The following BMPR1B variants were observed in gnomAD, a reference collection of about 807,000 sequenced individuals.
BMPR1B encodes bone morphogenetic protein receptor type-1B.
Under a neutral mutation model 59.1 loss-of-function variants are expected in BMPR1B, and 12 were observed. The observed-to-expected ratio is 0.20, with a 90% confidence interval of 0.13 to 0.33. The LOEUF (loss-of-function observed/expected upper bound fraction) is 0.33. Ranked by LOEUF, BMPR1B falls within the 10% of genes least tolerant of loss-of-function variation. BMPR1B has a pLI of 1.00. For missense variants in BMPR1B, 550 were observed against 610.9 expected (o/e 0.90, Z 1.05); for synonymous variants, 237 against 207.3 (o/e 1.14, Z -1.23).
intron 1 of BMPR1B, among the ~76,000 whole-genome samples, chr4:94,872,970 G>A (rs1447434152): frequency 6.6e-6 from 1 of 152,112 alleles, no homozygotes; most frequent in East Asian, 1.9e-4. Context: ...TGTCTTTATG[G>A]GAAACCCAAC....
At chr4:95,108,432 T>C (rs1189171149) in intron 4 of BMPR1B, among the ~76,000 whole-genome samples, 4 of 152,106 alleles carry the variant, frequency 2.6e-5, no homozygotes, top group Non-Finnish European at 5.9e-5. Context: ...TTCATGTTCA[T>C]TATCACTTCC....
chr4:94,963,666 G>T (rs7673943), intron 2 of BMPR1B, among the ~76,000 whole-genome samples: 79,393 of 151,860 alleles, frequency 0.52, 21,331 homozygotes, highest in African/African-American at 0.61. Flanking sequence ...TGTGGAACTA[G>T]TTATGGGTTC....
At chr4:95,040,665 C>T (rs535755425) in intron 3 of BMPR1B, among the ~76,000 whole-genome samples, 49 of 152,298 alleles carry the variant, frequency 3.2e-4, no homozygotes, top group African/African-American at 1.2e-3. Flanking sequence ...TAGTGTATAA[C>T]TTTAACTTGT....
intron 2 of BMPR1B, among the ~76,000 whole-genome samples, chr4:94,937,823 A>G (rs1729376896): frequency 6.6e-6 from 1 of 152,112 alleles, no homozygotes. Flanking sequence ...AAACTAGGTA[A>G]GAGCTTAGTT....
chr4:95,016,391 A>C (rs930462386), intron 3 of BMPR1B, among the ~76,000 whole-genome samples: 2 of 152,218 alleles, frequency 1.3e-5, no homozygotes, highest in African/African-American at 4.8e-5. Context: ...TGAGAGATTC[A>C]TTCAAAGTAG....
intron 6 of BMPR1B, among the ~76,000 whole-genome samples, chr4:95,118,269 AG>A (rs1560667482): frequency 6.6e-6 from 1 of 151,166 alleles, no homozygotes; most frequent in Non-Finnish European, 1.5e-5. Context: ...TGCAGATTGT[AG>A]TCTGAGAGCA....
intron 3 of BMPR1B, among the ~76,000 whole-genome samples, chr4:95,063,480 C>T (rs976904137): frequency 2.6e-5 from 4 of 152,082 alleles, no homozygotes; most frequent in East Asian, 3.9e-4. Context: ...AGAAACAGTT[C>T]GGAGAAGATA....
chr4:95,015,371 G>T (rs546133899), intron 3 of BMPR1B, among the ~76,000 whole-genome samples: 1 of 152,256 alleles, frequency 6.6e-6, no homozygotes, highest in East Asian at 1.9e-4. Context: ...TACTCAAGGA[G>T]TTGTTGCAGA....
intron 1 of BMPR1B, among the ~76,000 whole-genome samples, chr4:94,785,480 G>A (rs1169977076): frequency 6.6e-6 from 1 of 152,184 alleles, no homozygotes; most frequent in Non-Finnish European, 1.5e-5. Flanking sequence ...CATAAGATAT[G>A]GGTGAAAAGA....
chr4:94,992,412 A>G (rs1721811879), intron 2 of BMPR1B, among the ~76,000 whole-genome samples: 1 of 152,216 alleles, frequency 6.6e-6, no homozygotes, highest in Non-Finnish European at 1.5e-5. Context: ...TTTATGTGGT[A>G]CTGTAGTCCA....
At chr4:94,829,422 C>T (rs951964465) in intron 1 of BMPR1B, among the ~76,000 whole-genome samples, 3 of 151,060 alleles carry the variant, frequency 2.0e-5, no homozygotes, top group Middle Eastern at 3.4e-3. Context: ...TACAGGCACA[C>T]GCCACTATGC....
chr4:94,908,369 G>C (rs1314535896), intron 2 of BMPR1B, among the ~76,000 whole-genome samples: 1 of 150,046 alleles, frequency 6.7e-6, no homozygotes, highest in Non-Finnish European at 1.5e-5. Context: ...AGTAAGCATT[G>C]TTTAAACCTG....
At chr4:95,020,778 C>G (rs548430661) in intron 3 of BMPR1B, among the ~76,000 whole-genome samples, 1 of 152,160 alleles carries the variant, frequency 6.6e-6, no homozygotes, top group Non-Finnish European at 1.5e-5. Flanking sequence ...ACTGCAGCCT[C>G]CAACTCCAGC....
At chr4:94,783,696 A>G (rs1722663753) in intron 1 of BMPR1B, among the ~76,000 whole-genome samples, 1 of 152,156 alleles carries the variant, frequency 6.6e-6, no homozygotes, top group African/African-American at 2.4e-5. Context: ...ACTTTGCACT[A>G]TGAATGAGCT....
intron 1 of BMPR1B, among the ~76,000 whole-genome samples, chr4:94,819,414 G>A (rs1180423389): frequency 3.3e-5 from 5 of 152,338 alleles, no homozygotes; most frequent in African/African-American, 1.2e-4. Context: ...GTTGGTAATA[G>A]TTTAGGGAGC....
intron 10 of BMPR1B, among the ~76,000 whole-genome samples, chr4:95,145,906 G>T (rs1429849679): frequency 6.6e-6 from 1 of 152,162 alleles, no homozygotes; most frequent in Non-Finnish European, 1.5e-5. Context: ...TCATTTTATG[G>T]CCCATGCAGT....
chr4:94,860,778 G>C (rs987681355), intron 1 of BMPR1B, among the ~76,000 whole-genome samples: 20 of 152,134 alleles, frequency 1.3e-4, no homozygotes, highest in African/African-American at 4.1e-4. Context: ...TCTGGTGCCA[G>C]TGCATCCTAC....
chr4:95,034,127 GAC>G (rs763550118), intron 3 of BMPR1B, among the ~76,000 whole-genome samples: 1 of 152,114 alleles, frequency 6.6e-6, no homozygotes, highest in Non-Finnish European at 1.5e-5. Flanking sequence ...AGTTAGAAGA[GAC>G]ACAACCAAGA....
At chr4:94,999,615 C>T (rs145302801) in intron 3 of BMPR1B, among the ~76,000 whole-genome samples, 1 of 152,166 alleles carries the variant, frequency 6.6e-6, no homozygotes, top group African/African-American at 2.4e-5. Context: ...TTGCTGTGGC[C>T]GTGTTGACTG....
Sources: gnomAD v4.1 joint callset for allele counts (sites outside exome capture counted in the v4.1 genomes callset) on GRCh38, gnomAD v4.1.1 for gene constraint, MANE v1.5 for transcripts, NCBI Gene and HGNC (gene_info 2026-07-23, HGNC 2026-07-21) for gene names.